NCAPG2: variants seen among roughly 807,000 people sequenced by gnomAD.
NCAPG2 encodes the protein condensin-2 complex subunit G2.
NCAPG2 carries 53 observed loss-of-function variants against 141.1 expected under a neutral mutation model. That is an observed-to-expected ratio of 0.38 (90% confidence interval 0.30 to 0.47). NCAPG2 has a LOEUF of 0.47. NCAPG2 is among the 20% of genes least tolerant of loss of function. The probability of loss-of-function intolerance (pLI) is 0.99; values close to 1 mark genes in which losing one functional copy is unlikely to be tolerated. For synonymous variants in NCAPG2, 499 were observed against 490.7 expected (o/e 1.02, Z -0.22); for missense variants, 1,087 against 1,389.0 (o/e 0.78, Z 3.46).
At chr7:158,677,525 C>CAAAAAAAAAAAAAAAAAAAAAAAAGAA in intron 11 of NCAPG2, among the ~76,000 whole-genome samples, 1 of 90,404 alleles carries the variant, frequency 1.1e-5, no homozygotes, top group African/African-American at 4.6e-5. Flanking sequence ...AAAAATAAAG[C>CAAAAAAAAAAAAAAAAAAAAAAAAGAA]AAAAAAAAAA....
At chr7:158,698,787 A>AT (rs5888768) in intron 2 of NCAPG2, among the ~76,000 whole-genome samples, 46,448 of 143,200 alleles carry the variant, frequency 0.32, 7,633 homozygotes, top group Admixed American at 0.41. Context: ...TAGTAGTAGT[A>AT]TTTTTTTTTT....
intron 11 of NCAPG2, among the ~76,000 whole-genome samples, chr7:158,678,928 G>A (rs1172524463): frequency 6.6e-6 from 1 of 152,118 alleles, no homozygotes; most frequent in Non-Finnish European, 1.5e-5. Context: ...ATGGCTCACT[G>A]TAGACTTGAC....
Position 158,690,685 on chromosome 7 carries a change from T to C in NCAPG2, c.420A>G (p.Leu140=). 2 of 1,614,158 alleles carry C rather than the reference T, an allele frequency of 1.2e-6. No individual in the cohort carries two copies. Among genetic ancestry groups the C allele is most frequent in the East Asian group, 2.2e-5 (1 of 44,888 alleles). The change falls in exon 5 of 28, where the codon CTA becomes CTG. Residue 140 remains leucine, a synonymous_variant. Transcript: ENST00000356309. The stretch of plus-strand genomic sequence containing the variant: ...CACACAAATCCTGAATAGAACTCTG[T>C]AGTTTTCGTTCAGACTCAGGTAATG... ...LYALPESERK[L]QSSIQDLCVT...
At chr7:158,662,135 A>G in intron 16 of NCAPG2, 59 bp downstream of exon 16, 3 of 1,469,454 alleles carry the variant, frequency 2.0e-6, no homozygotes, top group Middle Eastern at 2.4e-4. Flanking sequence ...AACTTTTGTT[A>G]AATTCTAAAC....
chr7:158,689,714 G>C, intron 6 of NCAPG2, 105 bp downstream of exon 6: 3 of 1,071,766 alleles, frequency 2.8e-6, no homozygotes, highest in Non-Finnish European at 3.8e-6. Context: ...GCTCCTGGTA[G>C]CTAAGCAACA....
chr7:158,668,698 T>G (rs1294618194), intron 13 of NCAPG2, among the ~76,000 whole-genome samples: 1 of 152,154 alleles, frequency 6.6e-6, no homozygotes, highest in African/African-American at 2.4e-5. Context: ...ACAAAAAAAG[T>G]AAAAATATTC....
intron 12 of NCAPG2, among the ~76,000 whole-genome samples, chr7:158,672,292 G>A (rs1367201590): frequency 0.014 from 371 of 27,172 alleles, 1 homozygote; most frequent in Middle Eastern, 0.056. Flanking sequence ...GTGTGTGTGT[G>A]TATATATATA....
intron 27 of NCAPG2, chr7:158,639,930 T>C: frequency 1.3e-6 from 1 of 755,806 alleles, no homozygotes; most frequent in Non-Finnish European, 1.6e-6. Context: ...GAGACAACTG[T>C]AAAAGGTGTT....
In NCAPG2 at chr7:158,664,753, G is replaced by T. The variant is rs1478337643; in HGVS notation, c.1480-3C>A. ...TCCATGGGACATATTTTCCAAAACT[G>T]TGCAAAAAGCACATATGCAGAAGGA... is the stretch of plus-strand genomic sequence containing the variant. On this transcript the variant is annotated splice_polypyrimidine_tract_variant and splice_region_variant and intron_variant, in intron 13 of 27. Transcript: ENST00000356309. The T allele has an allele frequency of 6.2e-7, 1 of 1,610,890 alleles. No individual in the cohort carries two copies. Among genetic ancestry groups the T allele is most frequent in the Admixed American group, 1.7e-5 (1 of 59,652 alleles).
chr7:158,686,303 T>TACGGCGAC, intron 7 of NCAPG2, 62 bp from the exon 8 acceptor site: 1 of 958,620 alleles, frequency 1.0e-6, no homozygotes, highest in South Asian at 1.7e-5. Context: ...TCAACATGTA[T>TACGGCGAC]CATTTCAGCT....
At position 158,664,697 on chromosome 7, in the gene NCAPG2, A is replaced by G; in HGVS notation, c.1533T>C (p.Ser511=). ...EHILVRLETD[S]RPVSRRLVSL... Reference sequence around the variant, plus strand: ...TCACCAGGCGCCGAGACACAGGTCGAGAATCAGTTTCCAGACGAACCAGAA... The same window carrying G: ...TCACCAGGCGCCGAGACACAGGTCGGGAATCAGTTTCCAGACGAACCAGAA... The change falls in exon 14 of 28, where the codon TCT becomes TCC. Residue 511 remains serine, a synonymous_variant. Transcript: ENST00000356309. 1 of 1,614,210 alleles carries G rather than the reference A, an allele frequency of 6.2e-7. No individual in the cohort carries two copies. Among genetic ancestry groups the G allele is most frequent in the Non-Finnish European group, 8.5e-7 (1 of 1,180,042 alleles).
intron 23 of NCAPG2, among the ~76,000 whole-genome samples, 162 bp from the exon 24 acceptor site, chr7:158,651,134 G>A (rs1331664341): frequency 6.6e-6 from 1 of 152,118 alleles, no homozygotes; most frequent in Non-Finnish European, 1.5e-5. Context: ...TCCACTCCCA[G>A]GCTGACTCAA....
intron 26 of NCAPG2, 107 bp downstream of exon 26, chr7:158,645,412 A>C: frequency 1.1e-6 from 1 of 905,156 alleles, no homozygotes; most frequent in Non-Finnish European, 1.8e-6. Context: ...GGGACACCTG[A>C]GCTGGCCAGG....
chr7:158,694,139 T>C (rs1486064559), intron 2 of NCAPG2, among the ~76,000 whole-genome samples: 1 of 152,128 alleles, frequency 6.6e-6, no homozygotes, highest in East Asian at 1.9e-4. Flanking sequence ...CCAACCACTC[T>C]GGGAGAGAGG....
chr7:158,646,441 G>C lies in NCAPG2; in HGVS notation c.3179+19C>G. 1 of 1,566,010 alleles carries C rather than the reference G, an allele frequency of 6.4e-7. No individual in the cohort carries two copies. Among genetic ancestry groups the C allele is most frequent in the Non-Finnish European group, 8.7e-7 (1 of 1,144,322 alleles). On this transcript the variant is annotated intron_variant, in intron 25 of 27. Transcript: ENST00000356309. Reference sequence around the variant, plus strand: ...CAGCCACGATGAGCATTTCAGGACAGTAAAGAGAAAGTGATTACCTGACCA... The same window carrying C: ...CAGCCACGATGAGCATTTCAGGACACTAAAGAGAAAGTGATTACCTGACCA...
chr7:158,654,529 T>C lies in NCAPG2; in HGVS notation c.2746+66A>G, dbSNP rs906340031. The C allele has an allele frequency of 4.6e-5, 68 of 1,476,516 alleles. No individual in the cohort carries two copies. The African/African-American group carries it at 8.3e-4, about 18-fold the overall frequency. 91.5% of individuals were successfully genotyped at this position (1,476,516 alleles called of 1,614,324 possible). A position where few individuals can be genotyped will look rare whatever the true frequency, so the allele number is the denominator to read the frequency against. The stretch of plus-strand genomic sequence containing the variant: ...AAAGTGAGAGTTCTGAGCTACACAG[T>C]AAAGGAGGGAGGGAGGGAAGGACTG... On this transcript the variant is annotated intron_variant, in intron 22 of 27. Coordinates refer to ENST00000356309, the MANE Select transcript of NCAPG2 (RefSeq NM_017760.7).
intron 25 of NCAPG2, 35 bp downstream of exon 25, chr7:158,646,425 T>A: frequency 6.6e-7 from 1 of 1,509,508 alleles, no homozygotes; most frequent in African/African-American, 1.4e-5. Flanking sequence ...ACAGCCACGA[T>A]GAGCATTTCA....
chr7:158,671,578 G>A lies in NCAPG2; in HGVS notation c.1415C>T (p.Ser472Leu), dbSNP rs199662183. The change falls in exon 13 of 28, where the codon TCG (serine) becomes TTG (leucine). Residue 472 changes from serine (S) to leucine (L), a missense_variant. Transcript: ENST00000356309. ...CACAAAAGCTACCCTCACTTTCTCC[G>A]AATTGTCGTGGAGACTGTATCTGAG... ...PALRYSLHDN[S>L]EKVRVAFVDM... 7.4e-6 allele frequency: 12 copies of A among 1,614,162 alleles called. No homozygotes were observed. The highest frequency in any genetic ancestry group is 2.7e-5 in the African/African-American group (2 of 75,036).
At chr7:158,681,044 T>C (rs1834424031) in intron 9 of NCAPG2, among the ~76,000 whole-genome samples, 2 of 152,170 alleles carry the variant, frequency 1.3e-5, no homozygotes, top group African/African-American at 4.8e-5. Flanking sequence ...AATAAAAAGA[T>C]TAATGGCCTT....
Sources: allele counts gnomAD v4.1 joint callset (sites outside exome capture counted in the v4.1 genomes callset), GRCh38; gene constraint gnomAD v4.1.1; transcripts MANE v1.5; gene names NCBI Gene and HGNC (gene_info 2026-07-23, HGNC 2026-07-21).